Variants in PAK6 observed in about 807,000 individuals in gnomAD.
PAK6 encodes p21 (RAC1) activated kinase 6.
Under a neutral mutation model 60.8 loss-of-function variants are expected in PAK6, and 33 were observed. The ratio of observed to expected loss-of-function variants is 0.54; its 90% CI spans 0.41 to 0.73. The LOEUF (loss-of-function observed/expected upper bound fraction) is 0.73. PAK6 is among the 30% of genes least tolerant of loss of function. The probability of loss-of-function intolerance (pLI) is 0.00; values close to 1 mark genes in which losing one functional copy is unlikely to be tolerated. For synonymous variants in PAK6, 404 were observed against 378.5 expected (o/e 1.07, Z -0.78); for missense variants, 845 against 904.1 (o/e 0.93, Z 0.84).
At chr15:40,272,454 C>G in exon 6 of PAK6, 1 of 1,613,734 alleles carries the variant, frequency 6.2e-7, no homozygotes, top group Non-Finnish European at 8.5e-7. Context: ...GCACCAGCAA[C>G]CTGTACCTGC....
rs187139532 is a variant in PAK6 at position 40,256,862 on chromosome 15, C to T, written c.-6+3573C>T. ...TGCTAGGCTCTTCCTGAGTGACGAC[C>T]GTGAGAAATATCCAAAGCTCCTCCG... On this transcript the variant is annotated intron_variant, in intron 3 of 10. Transcript: ENST00000560346. The T allele has an allele frequency of 1.3e-4, 20 of 152,362 alleles. No homozygotes were observed. In the East Asian group the frequency reaches 1.9e-3, roughly 15 times the overall value. 9.4% of individuals were successfully genotyped at this position (152,362 alleles called of 1,614,324 possible).
chr15:40,276,257 C>A, exon 11 of PAK6: 2 of 655,610 alleles, frequency 3.1e-6, no homozygotes, highest in South Asian at 1.9e-5. Context: ...TGGGCCAGGC[C>A]GGACCTGCCC....
chr15:40,274,174 T>C, exon 10 of PAK6: 1 of 1,613,936 alleles, frequency 6.2e-7, no homozygotes, highest in Non-Finnish European at 8.5e-7. Context: ...TCATGGTGAT[T>C]GAGATGGTAG....
chr15:40,267,633 T>A (rs1014431450), intron 5 of PAK6, among the ~76,000 whole-genome samples: 3 of 152,004 alleles, frequency 2.0e-5, no homozygotes, highest in African/African-American at 7.3e-5. Flanking sequence ...CACTCCAGCC[T>A]GGGGGACAGA....
chr15:40,257,949 G>A (rs1478297220), intron 3 of PAK6, among the ~76,000 whole-genome samples: 2 of 152,182 alleles, frequency 1.3e-5, no homozygotes, highest in Admixed American at 6.5e-5. Flanking sequence ...CCTGTGGGTC[G>A]CCTGGCTTCA....
chr15:40,258,297 A>G (rs1162361423), intron 3 of PAK6, among the ~76,000 whole-genome samples: 1 of 152,166 alleles, frequency 6.6e-6, no homozygotes, highest in African/African-American at 2.4e-5. Context: ...AGACCTCCAG[A>G]GAGGGAGAAG....
chr15:40,273,119 C>G (rs2039356831), intron 7 of PAK6, 120 bp downstream of exon 7: 1 of 1,332,818 alleles, frequency 7.5e-7, no homozygotes, highest in African/African-American at 1.5e-5. Context: ...CCCCTGCCTG[C>G]TGGGGTAACT....
chr15:40,244,494 T>G (rs946651923), intron 2 of PAK6, among the ~76,000 whole-genome samples: 5 of 150,904 alleles, frequency 3.3e-5, no homozygotes, highest in Non-Finnish European at 7.4e-5. Flanking sequence ...GCCTCCCTGG[T>G]TCAAGCGATT....
At chr15:40,264,347 C>T (rs572329499) in intron 3 of PAK6, 16 of 440,898 alleles carry the variant, frequency 3.6e-5, no homozygotes, top group Non-Finnish European at 6.8e-5. Context: ...CTTGCACTCT[C>T]CTTATCTGGT....
chr15:40,242,394 G>A lies in PAK6; in HGVS notation c.-118+1713G>A, dbSNP rs576929042. On this transcript the variant is annotated intron_variant, in intron 2 of 10. Transcript: ENST00000560346. ...TGGACTGAAGCAGAAAGTCCTTCCCGTAAGATGCGCTCGTCGCCCTGAGCA... is the reference window on the plus strand; with the variant it reads ...TGGACTGAAGCAGAAAGTCCTTCCCATAAGATGCGCTCGTCGCCCTGAGCA... Among the ~76,000 whole-genome samples, 32 of 152,366 alleles carry A rather than the reference G, an allele frequency of 2.1e-4. 1 individual carries two copies. The highest frequency in any genetic ancestry group is 1.6e-4 in the Non-Finnish European group (11 of 68,044).
chr15:40,273,975 A>C (rs747245866), intron 9 of PAK6, 167 bp from the exon 10 acceptor site: 1 of 796,200 alleles, frequency 1.3e-6, no homozygotes, highest in Non-Finnish European at 2.1e-6. Flanking sequence ...GTGGTCACTC[A>C]TGCAGGCAGT....
At chr15:40,270,736 GCTT>G (rs1487883781) in intron 5 of PAK6, among the ~76,000 whole-genome samples, 2 of 152,238 alleles carry the variant, frequency 1.3e-5, no homozygotes, top group Non-Finnish European at 2.9e-5. Flanking sequence ...AGGATTGCTA[GCTT>G]CTTTCCTGTG....
At chr15:40,272,201 T>C in intron 5 of PAK6, 23 bp from the exon 6 acceptor site, 1 of 1,593,572 alleles carries the variant, frequency 6.3e-7, no homozygotes, top group Non-Finnish European at 8.6e-7. Context: ...GCCCTGACCC[T>C]TCCTGTTGCT....
chr15:40,268,255 C>G (rs946242068), intron 5 of PAK6, among the ~76,000 whole-genome samples: 1 of 152,172 alleles, frequency 6.6e-6, no homozygotes, highest in Non-Finnish European at 1.5e-5. Context: ...CGAGCTGCTC[C>G]GGGCCGGGGC....
chr15:40,255,252 G>A (rs2038803896), intron 3 of PAK6, among the ~76,000 whole-genome samples: 1 of 152,184 alleles, frequency 6.6e-6, no homozygotes, highest in Non-Finnish European at 1.5e-5. Flanking sequence ...GACTGAATGA[G>A]CTGTATTACT....
At chr15:40,252,654 C>G (rs749888649) in intron 2 of PAK6, 2 of 1,322,698 alleles carry the variant, frequency 1.5e-6, no homozygotes, top group South Asian at 2.4e-5. Flanking sequence ...CCGGCTCCCA[C>G]GACCTCTTCG....
At chr15:40,267,691 G>A (rs2039184520) in intron 5 of PAK6, among the ~76,000 whole-genome samples, 1 of 152,264 alleles carries the variant, frequency 6.6e-6, no homozygotes, top group African/African-American at 2.4e-5. Context: ...TCTGAGCTTT[G>A]TGCACTCTAG....
At chr15:40,277,417 T>G (rs950378207) in exon 11 of PAK6, 4 of 152,600 alleles carry the variant, frequency 2.6e-5, no homozygotes, top group Admixed American at 1.3e-4. Flanking sequence ...AACAAAAGCA[T>G]CTTCCCTAGA....
At chr15:40,252,567 G>T in intron 2 of PAK6, 1 of 1,359,648 alleles carries the variant, frequency 7.4e-7, no homozygotes. Context: ...GTCAGGTGAA[G>T]CCGGCGCTGC....
Sources: gnomAD v4.1 joint callset for allele counts (sites outside exome capture counted in the v4.1 genomes callset) on GRCh38, gnomAD v4.1.1 for gene constraint, MANE v1.5 for transcripts, NCBI Gene and HGNC (gene_info 2026-07-23, HGNC 2026-07-21) for gene names.